Variants in EIPR1 observed in about 807,000 individuals in gnomAD.
EIPR1 encodes the protein EARP and GARP complex-interacting protein 1.
In EIPR1, 25 loss-of-function variants were observed where a neutral mutation model predicts 48.1. The observed-to-expected ratio is 0.52, with a 90% confidence interval of 0.38 to 0.73. The LOEUF is 0.73. Ranked by LOEUF, EIPR1 falls within the 30% of genes least tolerant of loss-of-function variation. The pLI is 0.00. For missense variants in EIPR1, 415 were observed against 506.2 expected (o/e 0.82, Z 1.73); for synonymous variants, 204 against 201.9 (o/e 1.01, Z -0.09).
At chr2:3,325,953 G>A (rs924331167) in intron 3 of EIPR1, among the ~76,000 whole-genome samples, 4 of 152,260 alleles carry the variant, frequency 2.6e-5, no homozygotes, top group African/African-American at 9.6e-5. Context: ...CGGTCAGTGA[G>A]CCGTGAGGGC....
At position 3,192,403 on chromosome 2, in the gene EIPR1, C is replaced by T. The variant is rs772986854; in HGVS notation, c.989+11G>A. ...GTACAGCGTGAGCCACTCTGCAGTG[C>T]GTGCCCTTACTTCTCTTCAGAACGG... On this transcript the variant is annotated intron_variant, in intron 8 of 8. Transcript: ENST00000382125. 40 of 1,602,062 alleles carry T rather than the reference C, an allele frequency of 2.5e-5. 1 individual carries two copies. Among genetic ancestry groups the T allele is most frequent in the South Asian group, 1.7e-4 (15 of 89,172 alleles).
intron 3 of EIPR1, among the ~76,000 whole-genome samples, chr2:3,275,581 A>G (rs1419120805): frequency 6.6e-6 from 1 of 152,176 alleles, no homozygotes; most frequent in Non-Finnish European, 1.5e-5. Context: ...AAATCTCAAT[A>G]TATTTCAAAG....
At chr2:3,369,110 A>G (rs563072874) in intron 1 of EIPR1, among the ~76,000 whole-genome samples, 15 of 152,366 alleles carry the variant, frequency 9.8e-5, no homozygotes, top group African/African-American at 3.6e-4. Context: ...GTCTTGGTCC[A>G]TGATACTATC....
chr2:3,296,036 TA>T (rs1668573097), intron 3 of EIPR1, among the ~76,000 whole-genome samples: 2 of 102,134 alleles, frequency 2.0e-5, no homozygotes, highest in Admixed American at 1.1e-4. Flanking sequence ...CCATCCTCTC[TA>T]CTCACACACA....
intron 3 of EIPR1, among the ~76,000 whole-genome samples, chr2:3,305,312 C>T (rs554999531): frequency 6.6e-6 from 1 of 150,844 alleles, no homozygotes; most frequent in African/African-American, 2.4e-5. Context: ...CCAGTTCAAC[C>T]CTCCACTCCC....
At chr2:3,341,821 T>A (rs1670260496) in intron 2 of EIPR1, among the ~76,000 whole-genome samples, 2 of 152,152 alleles carry the variant, frequency 1.3e-5, no homozygotes, top group African/African-American at 4.8e-5. Context: ...CTTGGATGCA[T>A]GTTAAGTTAT....
At chr2:3,347,829 A>G (rs1670449328) in intron 2 of EIPR1, among the ~76,000 whole-genome samples, 4 of 152,252 alleles carry the variant, frequency 2.6e-5, no homozygotes, top group Admixed American at 2.6e-4. Context: ...AGGGACGCTT[A>G]GTGACAGGCT....
chr2:3,288,082 C>A (rs932178237), intron 3 of EIPR1, among the ~76,000 whole-genome samples: 1 of 152,332 alleles, frequency 6.6e-6, no homozygotes, highest in East Asian at 1.9e-4. Context: ...TGCATCCTGA[C>A]GGGGTGGCAT....
intron 3 of EIPR1, among the ~76,000 whole-genome samples, chr2:3,323,747 C>A (rs1410134721): frequency 6.6e-6 from 1 of 152,202 alleles, no homozygotes; most frequent in Non-Finnish European, 1.5e-5. Context: ...AGCCTCCAGG[C>A]AACCTCTATG....
intron 3 of EIPR1, among the ~76,000 whole-genome samples, chr2:3,296,773 T>C (rs1244545578): frequency 1.3e-5 from 2 of 151,334 alleles, no homozygotes; most frequent in Non-Finnish European, 3.0e-5. Flanking sequence ...CACACACAGA[T>C]TGTTCCCTCT....
chr2:3,298,349 A>G (rs996476418), intron 3 of EIPR1: 2 of 152,210 alleles, frequency 1.3e-5, no homozygotes, highest in Admixed American at 1.3e-4. Flanking sequence ...GGTCTGGCCT[A>G]GATACTGCCG....
At chr2:3,305,765 A>G (rs1668923856) in intron 3 of EIPR1, among the ~76,000 whole-genome samples, 3 of 152,010 alleles carry the variant, frequency 2.0e-5, no homozygotes, top group African/African-American at 7.3e-5. Context: ...GACAGTTTCA[A>G]CTCACCCCTT....
intron 4 of EIPR1, among the ~76,000 whole-genome samples, chr2:3,226,605 TTAAATCTGATGCAC>T (rs1371206137): frequency 6.6e-6 from 1 of 152,248 alleles, no homozygotes; most frequent in East Asian, 1.9e-4. Context: ...GCAGAAACTT[TTAAATCTGATGCAC>T]TCTCATTTGT....
chr2:3,377,793 C>A lies in EIPR1; in HGVS notation c.-104G>T. 7.3e-7 allele frequency: 1 copy of A among 1,365,830 alleles called. No individual in the cohort carries two copies. The highest frequency in any genetic ancestry group is 1.0e-6 in the Non-Finnish European group (1 of 991,994). The allele number at this position is 1,365,830 out of a possible 1,614,324, so 84.6% of individuals were successfully genotyped here. On this transcript the variant is annotated 5_prime_UTR_variant, in exon 1 of 9. The change creates a new upstream start codon in the 5' untranslated region. Transcript: ENST00000382125. ...CGTGTTCCCAGCGCCCATTCATTCC[C>A]TCCCCGCAGCAAACGACTCCAAACT...
At chr2:3,207,946 A>T (rs551204885) in intron 5 of EIPR1, 4 of 152,980 alleles carry the variant, frequency 2.6e-5, no homozygotes, top group South Asian at 4.1e-4. Context: ...CACTGACTAC[A>T]TATTTTCTTA....
At chr2:3,350,207 A>G (rs1393308144) in intron 2 of EIPR1, among the ~76,000 whole-genome samples, 1 of 151,800 alleles carries the variant, frequency 6.6e-6, no homozygotes, top group Non-Finnish European at 1.5e-5. Context: ...GCCACAGGCT[A>G]TACAGGGGAC....
intron 3 of EIPR1, among the ~76,000 whole-genome samples, chr2:3,271,180 A>G (rs913519831): frequency 9.2e-5 from 14 of 152,188 alleles, no homozygotes; most frequent in African/African-American, 3.4e-4. Context: ...TTCTCTTGCT[A>G]TTTCTACCAC....
chr2:3,355,914 C>A (rs1670713848), intron 1 of EIPR1, among the ~76,000 whole-genome samples: 2 of 152,004 alleles, frequency 1.3e-5, no homozygotes, highest in African/African-American at 4.8e-5. Context: ...GAAACAACAA[C>A]CAACAGAAAA....
chr2:3,264,343 T>C lies in EIPR1; in HGVS notation c.260-6888A>G, dbSNP rs556008348. On this transcript the variant is annotated intron_variant, in intron 3 of 8. Transcript: ENST00000382125. ...CTTCTTAGGGCTGAGCAATGCTCCA[T>C]TTGTACCATGTTTCTTTATCCGTTC... is the stretch of plus-strand genomic sequence containing the variant. Among the ~76,000 whole-genome samples the C allele has an allele frequency of 2.6e-5, 4 of 152,336 alleles. No homozygotes were observed. The East Asian group carries it at 5.8e-4, about 22-fold the overall frequency.
Sources: allele counts gnomAD v4.1 joint callset (sites outside exome capture counted in the v4.1 genomes callset), GRCh38; gene constraint gnomAD v4.1.1; transcripts MANE v1.5; gene names NCBI Gene and HGNC (gene_info 2026-07-23, HGNC 2026-07-21).